FSTL5: variants seen among roughly 807,000 people sequenced by gnomAD.
FSTL5 encodes follistatin like 5, also known as follistatin-related protein 5.
FSTL5 carries 62 observed loss-of-function variants against 89.1 expected under a neutral mutation model. That is an observed-to-expected ratio of 0.70 (90% confidence interval 0.57 to 0.86). The LOEUF (loss-of-function observed/expected upper bound fraction) is 0.86. Among genes scored for constraint, FSTL5 ranks in the 40% least tolerant of loss-of-function variants. The pLI is 0.00. For missense variants in FSTL5, 1,057 were observed against 1,001.6 expected (o/e 1.06, Z -0.75); for synonymous variants, 383 against 346.2 (o/e 1.11, Z -1.18).
intron 2 of FSTL5, among the ~76,000 whole-genome samples, chr4:162,034,948 G>A (rs1737674201): frequency 6.6e-6 from 1 of 151,990 alleles, no homozygotes. Context: ...ATTCTGTTCT[G>A]CTCTTTATTA....
At chr4:161,643,352 A>T (rs1736033361) in intron 7 of FSTL5, among the ~76,000 whole-genome samples, 1 of 152,142 alleles carries the variant, frequency 6.6e-6, no homozygotes, top group Admixed American at 6.5e-5. Flanking sequence ...CTGAAAAACC[A>T]GTGTGTTCTT....
intron 4 of FSTL5, among the ~76,000 whole-genome samples, chr4:161,791,596 C>T (rs2126820646): frequency 6.6e-6 from 1 of 152,198 alleles, no homozygotes; most frequent in South Asian, 2.1e-4. Flanking sequence ...TACAATAGCA[C>T]GCCGTGGGTC....
intron 6 of FSTL5, among the ~76,000 whole-genome samples, chr4:161,756,059 T>C (rs1374812724): frequency 3.9e-5 from 6 of 152,066 alleles, no homozygotes; most frequent in Admixed American, 3.9e-4. Context: ...GATCATTATA[T>C]AGCTTGACGC....
At chr4:161,740,666 A>G (rs1332498156) in intron 6 of FSTL5, among the ~76,000 whole-genome samples, 1 of 152,144 alleles carries the variant, frequency 6.6e-6, no homozygotes, top group African/African-American at 2.4e-5. Flanking sequence ...GATATTGAAC[A>G]CACATTAAGT....
At chr4:161,670,206 G>T (rs1330722802) in intron 6 of FSTL5, among the ~76,000 whole-genome samples, 1 of 152,080 alleles carries the variant, frequency 6.6e-6, no homozygotes, top group African/African-American at 2.4e-5. Context: ...ATGAAGGAAG[G>T]TATCTAATCA....
intron 2 of FSTL5, among the ~76,000 whole-genome samples, chr4:162,102,630 CATAT>C (rs981968500): frequency 7.1e-6 from 1 of 141,268 alleles, no homozygotes; most frequent in African/African-American, 2.5e-5. Flanking sequence ...ATATTTATAA[CATAT>C]ATAAATATGT....
chr4:161,468,745 A>G (rs1443181505), intron 13 of FSTL5, among the ~76,000 whole-genome samples: 2 of 152,012 alleles, frequency 1.3e-5, no homozygotes, highest in Non-Finnish European at 2.9e-5. Context: ...CTTAAATTTT[A>G]CTAGCATGAT....
intron 12 of FSTL5, among the ~76,000 whole-genome samples, chr4:161,499,004 G>A (rs4479659): frequency 0.2 from 29,825 of 151,942 alleles, 3,773 homozygotes; most frequent in Non-Finnish European, 0.28. Flanking sequence ...TTCGAGATCA[G>A]CCTGGCCAAC....
chr4:162,100,467 C>T (rs950286541), intron 2 of FSTL5, among the ~76,000 whole-genome samples: 3 of 152,114 alleles, frequency 2.0e-5, no homozygotes, highest in African/African-American at 7.2e-5. Flanking sequence ...AGAAGACAAT[C>T]TCAGAAGGGT....
intron 15 of FSTL5, among the ~76,000 whole-genome samples, chr4:161,448,933 A>C (rs887391625): frequency 6.6e-6 from 1 of 152,078 alleles, no homozygotes; most frequent in East Asian, 1.9e-4. Context: ...AGTCCAAACC[A>C]GTACCATCTT....
At chr4:161,551,104 T>C (rs1055592748) in intron 8 of FSTL5, among the ~76,000 whole-genome samples, 1 of 151,946 alleles carries the variant, frequency 6.6e-6, no homozygotes, top group Non-Finnish European at 1.5e-5. Context: ...TATCCAGTAA[T>C]GGGATGGCTG....
intron 15 of FSTL5, among the ~76,000 whole-genome samples, chr4:161,414,796 A>C (rs1302400279): frequency 6.6e-6 from 1 of 152,224 alleles, no homozygotes; most frequent in Non-Finnish European, 1.5e-5. Flanking sequence ...AAAAGAGAAT[A>C]TTCTGATTCA....
chr4:162,115,348 T>C (rs1357043539), intron 1 of FSTL5, among the ~76,000 whole-genome samples: 1 of 152,226 alleles, frequency 6.6e-6, no homozygotes, highest in Non-Finnish European at 1.5e-5. Flanking sequence ...TATATCATTA[T>C]TATATCTTTA....
chr4:161,687,288 C>T (rs1237869527), intron 6 of FSTL5, among the ~76,000 whole-genome samples: 2 of 152,118 alleles, frequency 1.3e-5, no homozygotes, highest in African/African-American at 2.4e-5. Flanking sequence ...ATTCACTTAA[C>T]ATATGTGCTT....
At position 161,635,375 on chromosome 4, in the gene FSTL5, G is replaced by A. The variant is rs10008771; in HGVS notation, c.894+20953C>T. Among the ~76,000 whole-genome samples the A allele has an allele frequency of 4.4e-3, 670 of 152,142 alleles. 2 individuals carry two copies. The highest frequency in any genetic ancestry group is 0.015 in the African/African-American group (607 of 41,520). On this transcript the variant is annotated intron_variant, in intron 7 of 15. Transcript: ENST00000306100. Reference sequence around the variant, plus strand: ...TGTACTCCAGCCTGGGCGATAGAGTGAGACTCTGTCTCAAAACAAACAAAC... The same window carrying A: ...TGTACTCCAGCCTGGGCGATAGAGTAAGACTCTGTCTCAAAACAAACAAAC...
At chr4:161,770,130 A>G (rs1274317568) in intron 5 of FSTL5, among the ~76,000 whole-genome samples, 5 of 152,044 alleles carry the variant, frequency 3.3e-5, no homozygotes, top group African/African-American at 4.8e-5. Flanking sequence ...CAAACTTCAT[A>G]TATTCTTACT....
chr4:161,469,344 A>G (rs1411090272), intron 13 of FSTL5, among the ~76,000 whole-genome samples: 1 of 152,214 alleles, frequency 6.6e-6, no homozygotes, highest in African/African-American at 2.4e-5. Context: ...AGTTACTTCC[A>G]CATGATAATT....
intron 7 of FSTL5, among the ~76,000 whole-genome samples, chr4:161,600,831 G>T (rs1560973191): frequency 6.6e-6 from 1 of 152,042 alleles, no homozygotes; most frequent in Non-Finnish European, 1.5e-5. Context: ...TAAATGGAAA[G>T]AGTTTCTATC....
chr4:161,843,450 A>G (rs1279473899), intron 4 of FSTL5, among the ~76,000 whole-genome samples: 1 of 152,080 alleles, frequency 6.6e-6, no homozygotes, highest in East Asian at 1.9e-4. Context: ...AGTAGTTTGT[A>G]GTTCTCCTTG....
Sources: allele counts gnomAD v4.1 joint callset (sites outside exome capture counted in the v4.1 genomes callset), GRCh38; gene constraint gnomAD v4.1.1; transcripts MANE v1.5; gene names NCBI Gene and HGNC (gene_info 2026-07-23, HGNC 2026-07-21).